Variants in MITF observed in about 807,000 individuals in gnomAD.
MITF encodes microphthalmia-associated transcription factor.
Under a neutral mutation model 60.5 loss-of-function variants are expected in MITF, and 17 were observed. The ratio of observed to expected loss-of-function variants is 0.28; its 90% CI spans 0.19 to 0.42. The LOEUF (loss-of-function observed/expected upper bound fraction) is 0.42, where lower values mean the gene tolerates loss of function less well. Ranked by LOEUF, MITF falls within the 10% of genes least tolerant of loss-of-function variation. The pLI, the probability that MITF is intolerant of heterozygous loss-of-function variation, is 1.00. For missense variants in MITF, 622 were observed against 683.5 expected (o/e 0.91, Z 1.00); for synonymous variants, 260 against 248.5 (o/e 1.05, Z -0.43).
At chr3:69,886,555 A>G (rs2566426) in intron 2 of MITF, among the ~76,000 whole-genome samples, 1 of 152,110 alleles carries the variant, frequency 6.6e-6, no homozygotes, top group Admixed American at 6.6e-5. Context: ...AATCACCAGT[A>G]ACAGAATATA....
At position 69,746,198 on chromosome 3, in the gene MITF, A is replaced by G. The variant is rs1236991759; in HGVS notation, c.104+6497A>G. Among the ~76,000 whole-genome samples, 2 of 152,210 alleles carry G rather than the reference A, an allele frequency of 1.3e-5. 1 individual carries two copies. On this transcript the variant is annotated intron_variant, in intron 1 of 9. Transcript: ENST00000352241. ...CCGATTACTACTATTTACAGATTTT[A>G]CTTAAGTTGATATATGTTTAATTCC...
In MITF at chr3:69,938,401, G is replaced by A. The variant is rs773205769; in HGVS notation, c.582+352G>A. 49 of 1,553,706 alleles carry A rather than the reference G, an allele frequency of 3.2e-5. No individual in the cohort carries two copies. In the African/African-American group the frequency reaches 5.7e-4, roughly 18 times the overall value. Reference sequence around the variant, plus strand: ...GAGAGGAGAAGGGGAGGTGGAAAAGGAAAAGCAAAAATAGAAGAGGTGTGG... The same window carrying A: ...GAGAGGAGAAGGGGAGGTGGAAAAGAAAAAGCAAAAATAGAAGAGGTGTGG... On this transcript the variant is annotated intron_variant, in intron 3 of 9. Coordinates refer to ENST00000352241, the MANE Select transcript of MITF (RefSeq NM_001354604.2).
rs192514030 is a variant in MITF, at chr3:69,967,147, A to C, written c.*1899A>C. On this transcript the variant is annotated 3_prime_UTR_variant, in exon 10 of 10. Transcript: ENST00000352241. ...CGTCAGATGTGTGAATGGACGGTTT[A>C]GGTGAAAATAATCAACTGCATAGTT... The C allele has an allele frequency of 1.2e-4, 27 of 232,614 alleles. 1 individual carries two copies. Among genetic ancestry groups the C allele is most frequent in the South Asian group, 9.1e-4 (5 of 5,496 alleles). 14.4% of individuals were successfully genotyped at this position (232,614 alleles called of 1,614,324 possible).
chr3:69,832,271 C>T (rs943824199), intron 1 of MITF, among the ~76,000 whole-genome samples: 24 of 152,150 alleles, frequency 1.6e-4, no homozygotes, highest in Non-Finnish European at 3.5e-4. Context: ...CCCCACTTAA[C>T]ATCTTTCTCT....
intron 6 of MITF, among the ~76,000 whole-genome samples, chr3:69,949,385 G>A (rs2066184427): frequency 6.6e-6 from 1 of 151,912 alleles, no homozygotes. Flanking sequence ...AATCTCCTGA[G>A]ATACTGGGAA....
chr3:69,802,987 G>A (rs2106958208), intron 1 of MITF, among the ~76,000 whole-genome samples: 1 of 152,100 alleles, frequency 6.6e-6, no homozygotes, highest in African/African-American at 2.4e-5. Context: ...ATGTTGGTCA[G>A]GCTGGTCTCG....
At chr3:69,764,934 G>C (rs1463295386) in intron 1 of MITF, among the ~76,000 whole-genome samples, 1 of 152,132 alleles carries the variant, frequency 6.6e-6, no homozygotes, top group Admixed American at 6.5e-5. Flanking sequence ...GGGAGTCTGG[G>C]CCTCAGGCTT....
Position 69,802,385 on chromosome 3 carries a change from G to A in MITF, c.104+62684G>A, listed in dbSNP as rs561232603. Among the ~76,000 whole-genome samples, 8 of 152,274 alleles carry A rather than the reference G, an allele frequency of 5.3e-5. No homozygotes were observed. The East Asian group carries it at 5.8e-4, about 11-fold the overall frequency. ...CAGAATTCGAATTCTTTTCTGATTC[G>A]TGCGTTTAGATGTTCTCCCTGAAGC... is the stretch of plus-strand genomic sequence containing the variant. On this transcript the variant is annotated intron_variant, in intron 1 of 9. Coordinates refer to ENST00000352241, the MANE Select transcript of MITF (RefSeq NM_001354604.2).
chr3:69,906,174 A>G (rs956758530), intron 2 of MITF, among the ~76,000 whole-genome samples: 5 of 152,172 alleles, frequency 3.3e-5, no homozygotes, highest in Non-Finnish European at 7.4e-5. Context: ...TTTTGTAAAT[A>G]TGGATGACCA....
chr3:69,949,729 A>C (rs1312253608), intron 6 of MITF, among the ~76,000 whole-genome samples: 2 of 152,190 alleles, frequency 1.3e-5, no homozygotes, highest in Non-Finnish European at 2.9e-5. Flanking sequence ...TTTGTTCTTG[A>C]GGCAAGTGTG....
chr3:69,771,934 G>T (rs753698266), intron 1 of MITF, among the ~76,000 whole-genome samples: 1 of 152,170 alleles, frequency 6.6e-6, no homozygotes, highest in African/African-American at 2.4e-5. Flanking sequence ...TTATGTGTGT[G>T]TTGGGCTATA....
intron 1 of MITF, among the ~76,000 whole-genome samples, chr3:69,750,457 TACAAGTGA>T (rs1383835672): frequency 2.8e-5 from 4 of 142,266 alleles, no homozygotes; most frequent in Non-Finnish European, 4.6e-5. Flanking sequence ...GGCCTGACAA[TACAAGTGA>T]CACTCCTTTT....
At chr3:69,835,796 A>T (rs1308769793) in intron 1 of MITF, among the ~76,000 whole-genome samples, 1 of 151,976 alleles carries the variant, frequency 6.6e-6, no homozygotes, top group Non-Finnish European at 1.5e-5. Context: ...AGGTGTGCTA[A>T]TTTATTTCTG....
chr3:69,953,116 G>A (rs956285103), intron 7 of MITF, among the ~76,000 whole-genome samples: 1 of 152,132 alleles, frequency 6.6e-6, no homozygotes, highest in African/African-American at 2.4e-5. Flanking sequence ...CCCCTCCCCA[G>A]TTCTCATGTC....
chr3:69,941,337 G>A lies in MITF; in HGVS notation c.762+6G>A. 6.3e-7 allele frequency: 1 copy of A among 1,590,142 alleles called. No homozygotes were observed. Among genetic ancestry groups the A allele is most frequent in the Non-Finnish European group, 8.6e-7 (1 of 1,158,846 alleles). On this transcript the variant is annotated splice_donor_region_variant and intron_variant, in intron 5 of 9. Transcript: ENST00000352241. The stretch of plus-strand genomic sequence containing the variant: ...CTTTGCAAATGGCAAATACGGTATT[G>A]ATAACCTTTTTTTAAGTAGAAAATC...
At chr3:69,788,732 A>G (rs879277021) in intron 1 of MITF, among the ~76,000 whole-genome samples, 1 of 152,228 alleles carries the variant, frequency 6.6e-6, no homozygotes, top group Non-Finnish European at 1.5e-5. Flanking sequence ...ACAGTGTGGT[A>G]TTGACATAAA....
chr3:69,741,194 G>A (rs1467808278), intron 1 of MITF, among the ~76,000 whole-genome samples: 1 of 152,110 alleles, frequency 6.6e-6, no homozygotes, highest in Non-Finnish European at 1.5e-5. Context: ...TGTGTTGGGG[G>A]CTGGGGGTTT....
chr3:69,745,699 G>A (rs575280404), intron 1 of MITF, among the ~76,000 whole-genome samples: 58 of 152,258 alleles, frequency 3.8e-4, no homozygotes, highest in African/African-American at 1.4e-3. Flanking sequence ...GAGGCTGCAT[G>A]CATGTGGACA....
At chr3:69,905,878 C>T (rs1403780042) in intron 2 of MITF, among the ~76,000 whole-genome samples, 1 of 151,944 alleles carries the variant, frequency 6.6e-6, no homozygotes, top group East Asian at 1.9e-4. Context: ...TTTATTTGTT[C>T]TGGATCTATC....
Sources: gnomAD v4.1 joint callset for allele counts (sites outside exome capture counted in the v4.1 genomes callset) on GRCh38, gnomAD v4.1.1 for gene constraint, MANE v1.5 for transcripts, NCBI Gene and HGNC (gene_info 2026-07-23, HGNC 2026-07-21) for gene names.